DAZL: variants seen among roughly 807,000 people sequenced by gnomAD.
DAZL encodes deleted in azoospermia-like.
In DAZL, 4 loss-of-function variants were observed where a neutral mutation model predicts 45.0. That is an observed-to-expected ratio of 0.09 (90% CI 0.04 to 0.20). The LOEUF (loss-of-function observed/expected upper bound fraction) is 0.20. Ranked by LOEUF, DAZL falls within the 10% of genes least tolerant of loss-of-function variation. The probability of loss-of-function intolerance (pLI) is 1.00; values close to 1 mark genes in which losing one functional copy is unlikely to be tolerated. For synonymous variants in DAZL, 122 were observed against 112.4 expected (o/e 1.09, Z -0.54); for missense variants, 326 against 351.3 (o/e 0.93, Z 0.58).
At chr3:16,589,431 A>T (rs1694485430) in intron 10 of DAZL, among the ~76,000 whole-genome samples, 1 of 152,178 alleles carries the variant, frequency 6.6e-6, no homozygotes, top group African/African-American at 2.4e-5. Context: ...GGCTTCTGGA[A>T]GTTACCTAAT....
At chr3:16,604,176 A>G (rs972721466) in intron 1 of DAZL, among the ~76,000 whole-genome samples, 4 of 152,152 alleles carry the variant, frequency 2.6e-5, no homozygotes, top group African/African-American at 9.7e-5. Flanking sequence ...TCCTCCCTGA[A>G]GAGACTGAGA....
intron 1 of DAZL, among the ~76,000 whole-genome samples, chr3:16,600,924 C>T (rs1340820201): frequency 4.6e-5 from 7 of 152,176 alleles, no homozygotes; most frequent in Non-Finnish European, 1.0e-4. Context: ...TTAGAGATTG[C>T]TTGTCACAAC....
intron 3 of DAZL, 31 bp downstream of exon 3, chr3:16,598,056 G>A: frequency 6.7e-7 from 1 of 1,484,162 alleles, no homozygotes; most frequent in Non-Finnish European, 9.3e-7. Flanking sequence ...TACGTGGCTA[G>A]AGTTCAGATA....
Position 16,597,815 on chromosome 3 carries a change from G to C in DAZL, c.242+272C>G, listed in dbSNP as rs536542189. Among the ~76,000 whole-genome samples the C allele has an allele frequency of 1.3e-3, 197 of 152,192 alleles. 1 individual carries two copies. The highest frequency in any genetic ancestry group is 2.2e-3 in the Non-Finnish European group (149 of 67,980). On this transcript the variant is annotated intron_variant, in intron 3 of 10. Coordinates refer to ENST00000399444, the MANE Select transcript of DAZL (RefSeq NM_001351.4). ...GAATTTAACTTACTATCTAAGACAA[G>C]GTGGTTAAAATTTAAGATACTGTGC...
chr3:16,593,547 C>A, intron 9 of DAZL, 108 bp downstream of exon 9: 2 of 737,702 alleles, frequency 2.7e-6, no homozygotes, highest in Non-Finnish European at 4.5e-6. Flanking sequence ...CTCTAGTTAA[C>A]CTTTTCAATT....
In DAZL at chr3:16,588,197, T is replaced by C. The variant is rs193027986; in HGVS notation, c.*463A>G. ...CTGATTAAAAATGCAGTTTTAAAAA[T>C]TTTGCTTTTGTGGTAAATTTCTGGA... is the stretch of plus-strand genomic sequence containing the variant. On this transcript the variant is annotated 3_prime_UTR_variant, in exon 11 of 11. Transcript: ENST00000399444. The C allele has an allele frequency of 5.6e-6, 1 of 177,236 alleles. No individual in the cohort carries two copies. The highest frequency in any genetic ancestry group is 5.8e-5 in the Admixed American group (1 of 17,100). 11.0% of individuals were successfully genotyped at this position (177,236 alleles called of 1,614,324 possible). A position where few individuals can be genotyped will look rare whatever the true frequency, so the allele number is the denominator to read the frequency against.
rs200206679 is a variant in DAZL, at chr3:16,591,433, AT to A, written c.834+616del. ...CTTCTCTATAGTCCAATATGCATGT[AT>A]TTTTTTTTTTTTTGAGACAAGGTCT... On this transcript the variant is annotated intron_variant, in intron 10 of 10. Transcript: ENST00000399444. 2.7e-3 allele frequency among the ~76,000 whole-genome samples: 390 copies of A among 143,546 alleles called. 1 individual carries two copies. The highest frequency in any genetic ancestry group is 3.2e-3 in the African/African-American group (126 of 38,878). The allele number at this position is 143,546 out of a possible 152,430, so 94.2% of individuals were successfully genotyped here.
intron 10 of DAZL, among the ~76,000 whole-genome samples, chr3:16,591,714 G>A (rs1451672655): frequency 2.6e-5 from 4 of 152,126 alleles, no homozygotes; most frequent in African/African-American, 4.8e-5. Flanking sequence ...GATTACAGGC[G>A]TGAGCCACTG....
In DAZL at chr3:16,588,612, AAT is replaced by A. The variant is rs1371074045; in HGVS notation, c.*46_*47del. The A allele has an allele frequency of 2.1e-6, 3 of 1,439,228 alleles. No homozygotes were observed. The highest frequency in any genetic ancestry group is 2.9e-6 in the Non-Finnish European group (3 of 1,021,008). The allele number at this position is 1,439,228 out of a possible 1,614,324, so 89.2% of individuals were successfully genotyped here. A position where few individuals can be genotyped will look rare whatever the true frequency, so the allele number is the denominator to read the frequency against. The stretch of plus-strand genomic sequence containing the variant: ...TATAATAGTGGAAACCTTTTAGCTT[AAT>A]ATTCAAAACCAGCAACTTCCCATGT... On this transcript the variant is annotated 3_prime_UTR_variant, in exon 11 of 11. Coordinates refer to ENST00000399444, the MANE Select transcript of DAZL (RefSeq NM_001351.4).
At chr3:16,602,373 G>T (rs1388976417) in intron 1 of DAZL, among the ~76,000 whole-genome samples, 1 of 152,114 alleles carries the variant, frequency 6.6e-6, no homozygotes, top group Non-Finnish European at 1.5e-5. Flanking sequence ...GTTTCCGTGG[G>T]AGTTTTTTCA....
intron 4 of DAZL, among the ~76,000 whole-genome samples, 187 bp downstream of exon 4, chr3:16,597,299 GTAGT>G (rs1694615763): frequency 6.6e-6 from 1 of 152,062 alleles, no homozygotes; most frequent in Non-Finnish European, 1.5e-5. Flanking sequence ...CTTCCTGTCT[GTAGT>G]TCATGAACCT....
At chr3:16,590,918 A>G (rs1694509031) in intron 10 of DAZL, among the ~76,000 whole-genome samples, 1 of 152,186 alleles carries the variant, frequency 6.6e-6, no homozygotes, top group African/African-American at 2.4e-5. Context: ...GGGTGATTTA[A>G]GTATTCTAAA....
intron 1 of DAZL, chr3:16,604,734 G>A (rs1390872896): frequency 7.4e-7 from 1 of 1,354,078 alleles, no homozygotes. Flanking sequence ...CCATCTTGCG[G>A]AGCCACGGGG....
At position 16,605,307 on chromosome 3, in the gene DAZL, CGCGG is replaced by C; in HGVS notation, c.-106_-103del. On this transcript the variant is annotated 5_prime_UTR_variant, in exon 1 of 11. Coordinates refer to ENST00000399444, the MANE Select transcript of DAZL (RefSeq NM_001351.4). ...CTGTGAGGTCCGCTGGAACCCGCTGCGCGGCTTCGAGTGGTCAAAGGAGCCAAAG... is the reference window on the plus strand; with the variant it reads ...CTGTGAGGTCCGCTGGAACCCGCTGCCTTCGAGTGGTCAAAGGAGCCAAAG... The C allele has an allele frequency of 6.9e-7, 1 of 1,442,146 alleles. No individual in the cohort carries two copies. Among genetic ancestry groups the C allele is most frequent in the Non-Finnish European group, 9.8e-7 (1 of 1,023,388 alleles). 89.3% of individuals were successfully genotyped at this position (1,442,146 alleles called of 1,614,324 possible).
At chr3:16,601,790 C>T (rs1256724527) in intron 1 of DAZL, among the ~76,000 whole-genome samples, 1 of 152,160 alleles carries the variant, frequency 6.6e-6, no homozygotes, top group African/African-American at 2.4e-5. Flanking sequence ...ATCATATACA[C>T]AACTCTCATT....
At chr3:16,604,621 AC>A (rs1694745910) in intron 1 of DAZL, 2 of 1,361,872 alleles carry the variant, frequency 1.5e-6, no homozygotes, top group African/African-American at 3.0e-5. Context: ...GCCCCCACGA[AC>A]CCCGCCCACC....
chr3:16,604,817 G>C (rs1286626480), intron 1 of DAZL: 2 of 1,166,504 alleles, frequency 1.7e-6, no homozygotes, highest in Non-Finnish European at 2.3e-6. Flanking sequence ...CGCGTGAGTG[G>C]GGGAGCGCGT....
rs1462118725 is a variant in DAZL, at chr3:16,605,398, G to A, written c.-193C>T. On this transcript the variant is annotated 5_prime_UTR_variant, in exon 1 of 11. It adds an upstream start codon to the 5' untranslated region. Transcript: ENST00000399444. ...GCTGAGGAGCCCCGAAAGGCGGACCGTCAGGCTGAGGAGCGCAGGCGGACT... is the reference window on the plus strand; with the variant it reads ...GCTGAGGAGCCCCGAAAGGCGGACCATCAGGCTGAGGAGCGCAGGCGGACT... The A allele has an allele frequency of 8.6e-6, 6 of 697,700 alleles. No homozygotes were observed. Among genetic ancestry groups the A allele is most frequent in the South Asian group, 1.7e-5 (1 of 59,876 alleles). 43.2% of individuals were successfully genotyped at this position (697,700 alleles called of 1,614,324 possible). A position where few individuals can be genotyped will look rare whatever the true frequency, so the allele number is the denominator to read the frequency against.
intron 6 of DAZL, 129 bp from the exon 7 acceptor site, chr3:16,595,514 T>C (rs1336983897): frequency 1.8e-6 from 1 of 561,362 alleles, no homozygotes; most frequent in Middle Eastern, 5.0e-4. Flanking sequence ...TGCAGAATTC[T>C]AAATGCATGA....
Sources: gnomAD v4.1 joint callset for allele counts (sites outside exome capture counted in the v4.1 genomes callset) on GRCh38, gnomAD v4.1.1 for gene constraint, MANE v1.5 for transcripts, NCBI Gene and HGNC (gene_info 2026-07-23, HGNC 2026-07-21) for gene names.